The following FNDC8 variants were observed in gnomAD, a reference collection of about 807,000 sequenced individuals.
The protein encoded by FNDC8 is fibronectin type III domain containing 8.
A neutral mutation model predicts 24.8 loss-of-function variants in FNDC8; 23 were observed. The ratio of observed to expected loss-of-function variants is 0.93; its 90% CI spans 0.67 to 1.31. FNDC8 has a LOEUF of 1.31. Among genes scored for constraint, FNDC8 ranks in the 40% most tolerant of loss-of-function variants. The pLI, the probability that FNDC8 is intolerant of heterozygous loss-of-function variation, is 0.00. For missense variants in FNDC8, 371 were observed against 398.2 expected (o/e 0.93, Z 0.58); for synonymous variants, 158 against 165.3 (o/e 0.96, Z 0.34).
At chr17:35,124,889 A>C (rs536629565) in intron 1 of FNDC8, among the ~76,000 whole-genome samples, 1 of 151,832 alleles carries the variant, frequency 6.6e-6, no homozygotes, top group East Asian at 2.0e-4. Context: ...CTCTACTAAA[A>C]ATACAAAAAT....
At chr17:35,126,634 C>A (rs2091850312) in intron 1 of FNDC8, among the ~76,000 whole-genome samples, 1 of 151,602 alleles carries the variant, frequency 6.6e-6, no homozygotes, top group Non-Finnish European at 1.5e-5. Flanking sequence ...TACCAAGTAG[C>A]TAGGATTACA....
chr17:35,129,022 C>A, intron 2 of FNDC8: 1 of 188,000 alleles, frequency 5.3e-6, no homozygotes, highest in South Asian at 1.2e-4. Flanking sequence ...TGACAGGAGG[C>A]AGAGCTCAGG....
chr17:35,122,158 A>G (rs1294243332), intron 1 of FNDC8, among the ~76,000 whole-genome samples: 2 of 14,452 alleles, frequency 1.4e-4, no homozygotes. Flanking sequence ...GCTAATTTTC[A>G]TATATATATA....
chr17:35,130,393 ATGCGGAGGCTGGAGGATC>A lies in FNDC8; in HGVS notation c.937_954del (p.Arg313_Leu318del). 6.2e-7 allele frequency: 1 copy of A among 1,614,018 alleles called. No individual in the cohort carries two copies. Among genetic ancestry groups the A allele is most frequent in the Non-Finnish European group, 8.5e-7 (1 of 1,179,970 alleles). ...GATCGTGTCCATCGGGCCGGAGGAG[ATGCGGAGGCTGGAGGATC>A]TGGAATACCTATTTCCCTGTTAAGG... On this transcript the variant is annotated inframe_deletion, in exon 4 of 4. Coordinates refer to ENST00000158009, the MANE Select transcript of FNDC8 (RefSeq NM_017559.4).
Position 35,129,428 on chromosome 17 carries a change from T to A in FNDC8, c.592T>A (p.Trp198Arg). The A allele has an allele frequency of 6.2e-7, 1 of 1,613,452 alleles. No homozygotes were observed. Among genetic ancestry groups the A allele is most frequent in the Non-Finnish European group, 8.5e-7 (1 of 1,179,414 alleles). ...TVNNSTAVISWTYALGKQPVS... is the reference protein window; with the variant it reads ...TVNNSTAVISRTYALGKQPVS... ...GGGCTCTCTCTTCCCCTAGATTTCC[T>A]GGACCTACGCCTTGGGCAAGCAGCC... The change falls in exon 3 of 4, where the codon TGG becomes AGG. Residue 198 changes from tryptophan (W) to arginine (R), a missense_variant. By Grantham distance (101) the Trp-to-Arg change is moderately radical. Coordinates refer to ENST00000158009, the MANE Select transcript of FNDC8 (RefSeq NM_017559.4).
intron 1 of FNDC8, among the ~76,000 whole-genome samples, chr17:35,123,210 A>T (rs1396599330): frequency 2.0e-5 from 3 of 152,158 alleles, no homozygotes; most frequent in African/African-American, 7.2e-5. Context: ...AGAATTTTTG[A>T]ATAAGGGGCT....
intron 2 of FNDC8, 99 bp from the exon 3 acceptor site, chr17:35,129,323 G>A (rs1021038309): frequency 2.7e-6 from 4 of 1,479,700 alleles, no homozygotes; most frequent in African/African-American, 2.8e-5. Context: ...AGCAGGAGCA[G>A]GGGATGGGCA....
intron 1 of FNDC8, among the ~76,000 whole-genome samples, chr17:35,125,274 C>T (rs371609912): frequency 6.6e-5 from 10 of 152,028 alleles, no homozygotes; most frequent in East Asian, 5.8e-4. Flanking sequence ...CCTGCATCTA[C>T]AGAAAAACAC....
At chr17:35,128,198 G>A (rs1466833631) in intron 2 of FNDC8, among the ~76,000 whole-genome samples, 3 of 152,212 alleles carry the variant, frequency 2.0e-5, no homozygotes, top group Non-Finnish European at 2.9e-5. Flanking sequence ...TTCCACTGTT[G>A]GATGGCCCAG....
At chr17:35,123,132 C>G (rs547605124) in intron 1 of FNDC8, among the ~76,000 whole-genome samples, 1 of 152,318 alleles carries the variant, frequency 6.6e-6, no homozygotes, top group African/African-American at 2.4e-5. Context: ...TGTGCAGTCA[C>G]AAATAGCCCT....
At position 35,129,498 on chromosome 17, in the gene FNDC8, A is replaced by G. The variant is rs748247539; in HGVS notation, c.662A>G (p.Gln221Arg). 1.4e-5 allele frequency: 22 copies of G among 1,614,112 alleles called. No homozygotes were observed. Among genetic ancestry groups the G allele is most frequent in the Non-Finnish European group, 1.8e-5 (21 of 1,180,046 alleles). The change falls in exon 3 of 4, where the codon CAG (glutamine) becomes CGG (arginine). Residue 221 changes from glutamine (Q) to arginine (R), a missense_variant. Gln to Arg is a conservative substitution (Grantham distance 43). Coordinates refer to ENST00000158009, the MANE Select transcript of FNDC8 (RefSeq NM_017559.4). ...CTGTTACAGGAGGTGGCCAAGACAC[A>G]GGAGAATGAGTTGCCCGAGGCAAAG... The part of the protein sequence containing the change: ...QLLLQEVAKT[Q>R]ENELPEAKNR...
intron 2 of FNDC8, 30 bp from the exon 3 acceptor site, chr17:35,129,392 A>T (rs375266931): frequency 1.2e-6 from 2 of 1,607,430 alleles, no homozygotes; most frequent in African/African-American, 2.7e-5. Context: ...GACATATCTG[A>T]GGAAGCCTCG....
At chr17:35,123,574 C>T (rs2091838358) in intron 1 of FNDC8, among the ~76,000 whole-genome samples, 1 of 152,052 alleles carries the variant, frequency 6.6e-6, no homozygotes, top group African/African-American at 2.4e-5. Flanking sequence ...CTCGTCTCTA[C>T]TAAAAATACA....
intron 1 of FNDC8, among the ~76,000 whole-genome samples, chr17:35,124,267 C>T (rs145556171): frequency 2.0e-5 from 3 of 152,338 alleles, no homozygotes; most frequent in East Asian, 1.9e-4. Context: ...CAGTGGCTCA[C>T]GCCTGTAATC....
chr17:35,127,758 C>T (rs1235061196), intron 2 of FNDC8, among the ~76,000 whole-genome samples: 1 of 152,156 alleles, frequency 6.6e-6, no homozygotes, highest in Non-Finnish European at 1.5e-5. Context: ...GGGGCGGACC[C>T]TAGCAAAAGC....
At chr17:35,123,609 G>A (rs1000677557) in intron 1 of FNDC8, among the ~76,000 whole-genome samples, 11 of 152,080 alleles carry the variant, frequency 7.2e-5, no homozygotes, top group African/African-American at 2.2e-4. Context: ...GTGGTGGCAC[G>A]CACCTGTTGT....
chr17:35,127,211 G>C lies in FNDC8; in HGVS notation c.379G>C (p.Ala127Pro). The C allele has an allele frequency of 6.2e-7, 1 of 1,613,954 alleles. No homozygotes were observed. The highest frequency in any genetic ancestry group is 8.5e-7 in the Non-Finnish European group (1 of 1,179,912). ...GAACAAACTCAGCTTCTCCCCAATG[G>C]CCAAGAATGCAGAAAATGAGGACCT... ...ELNKLSFSPM[A>P]KNAENEDLAL... is the part of the protein sequence containing the mutation. Residue 127 changes from alanine to proline, a missense_variant, in exon 2 of 4, where the codon GCC (alanine) becomes CCC (proline). Transcript: ENST00000158009.
chr17:35,126,081 C>T lies in FNDC8; in HGVS notation c.210-961C>T, dbSNP rs575291738. 9.7e-4 allele frequency among the ~76,000 whole-genome samples: 147 copies of T among 152,192 alleles called. 2 individuals carry two copies. In the South Asian group the frequency reaches 0.019, roughly 19 times the overall value. ...AATTACAGGCAACCGCCACCATGCC[C>T]AGCTAATTTTTTGTATTTTTAGTAG... On this transcript the variant is annotated intron_variant, in intron 1 of 3. Transcript: ENST00000158009.
Position 35,127,396 on chromosome 17 carries a change from C to T in FNDC8, c.564C>T (p.Thr188=), listed in dbSNP as rs2306508. The change falls in exon 2 of 4, where the codon ACC becomes ACT. Residue 188 remains threonine, a synonymous_variant. Coordinates refer to ENST00000158009, the MANE Select transcript of FNDC8 (RefSeq NM_017559.4). Reference sequence around the variant, plus strand: ...ACACCCCCTTCATCTTTGAGCACACCGTCAACAATTCCACAGCTGTGGTGC... The same window carrying T: ...ACACCCCCTTCATCTTTGAGCACACTGTCAACAATTCCACAGCTGTGGTGC... ...LPDTPFIFEH[T]VNNSTAVISW... is the part of the protein sequence containing the mutation. 2,612 of 1,556,972 alleles carry T rather than the reference C, an allele frequency of 1.7e-3. 37 individuals are homozygous for T. The African/African-American group carries it at 0.03, about 18-fold the overall frequency.
Sources: gnomAD v4.1 joint callset for allele counts (sites outside exome capture counted in the v4.1 genomes callset) on GRCh38, gnomAD v4.1.1 for gene constraint, MANE v1.5 for transcripts, NCBI Gene and HGNC (gene_info 2026-07-23, HGNC 2026-07-21) for gene names.